Variants in LOC128462377 observed in about 807,000 individuals in gnomAD.
the LOC128462377 span, among the ~76,000 whole-genome samples, chr16:89,340,733 G>A: frequency 6.6e-6 from 1 of 152,310 alleles, no homozygotes; most frequent in East Asian, 1.9e-4. Context: ...GCTAACAGGA[G>A]GCTGTTCATT....
the LOC128462377 span, among the ~76,000 whole-genome samples, chr16:89,355,900 C>A: frequency 6.6e-6 from 1 of 152,260 alleles, no homozygotes; most frequent in South Asian, 2.1e-4. Flanking sequence ...GGTGCTCCCC[C>A]CAGCACAGCT....
chr16:89,356,747 C>T, the LOC128462377 span, among the ~76,000 whole-genome samples: 1 of 142,488 alleles, frequency 7.0e-6, no homozygotes, highest in Non-Finnish European at 1.5e-5. Flanking sequence ...CACCACTGCA[C>T]TCTAGCCTGG....
the LOC128462377 span, among the ~76,000 whole-genome samples, chr16:89,364,043 C>T: frequency 1.3e-5 from 2 of 151,466 alleles, no homozygotes; most frequent in African/African-American, 4.9e-5. Flanking sequence ...CCTGCCCAGC[C>T]GACCAAGTGA....
chr16:89,338,087 AG>A, the LOC128462377 span, among the ~76,000 whole-genome samples: 7 of 152,138 alleles, frequency 4.6e-5, no homozygotes, highest in African/African-American at 1.7e-4. Context: ...CAGGAGCCCC[AG>A]GGGCCCCCAC....
the LOC128462377 span, among the ~76,000 whole-genome samples, chr16:89,401,191 T>A: frequency 2.0e-5 from 3 of 147,362 alleles, no homozygotes; most frequent in African/African-American, 7.5e-5. Context: ...CCTCCCAAGT[T>A]CAAGCAATTC....
the LOC128462377 span, among the ~76,000 whole-genome samples, chr16:89,398,131 A>G: frequency 1.1e-3 from 173 of 151,050 alleles, no homozygotes; most frequent in African/African-American, 4.0e-3. Context: ...CAAGAGGGAC[A>G]CTGTGAAACA....
chr16:89,381,720 G>A, the LOC128462377 span, among the ~76,000 whole-genome samples: 1 of 152,124 alleles, frequency 6.6e-6, no homozygotes, highest in Non-Finnish European at 1.5e-5. Context: ...CTCACATTCA[G>A]ACTGGAGAAT....
chr16:89,386,297 T>G, the LOC128462377 span, among the ~76,000 whole-genome samples: 12 of 152,158 alleles, frequency 7.9e-5, no homozygotes, highest in Admixed American at 7.9e-4. Flanking sequence ...AAAGCTTGAT[T>G]ATTAAGACAG....
the LOC128462377 span, among the ~76,000 whole-genome samples, chr16:89,385,544 C>A: frequency 6.6e-6 from 1 of 152,276 alleles, no homozygotes; most frequent in East Asian, 1.9e-4. Context: ...GTCAGAGCCT[C>A]AAGCTGCTCC....
At chr16:89,383,288 G>A in the LOC128462377 span, among the ~76,000 whole-genome samples, 1 of 152,216 alleles carries the variant, frequency 6.6e-6, no homozygotes, top group South Asian at 2.1e-4. Flanking sequence ...CTGCCATTAG[G>A]ATTTCCAGGG....
the LOC128462377 span, among the ~76,000 whole-genome samples, chr16:89,341,880 G>A: frequency 7.0e-5 from 10 of 142,626 alleles, no homozygotes; most frequent in Non-Finnish European, 1.1e-4. Context: ...CACGGCCCAC[G>A]GCAGGAGTGC....
chr16:89,327,095 T>C, the LOC128462377 span, among the ~76,000 whole-genome samples: 1 of 138,816 alleles, frequency 7.2e-6, no homozygotes, highest in African/African-American at 2.7e-5. Flanking sequence ...AATGCAGAGG[T>C]GGGGAATGCA....
the LOC128462377 span, among the ~76,000 whole-genome samples, chr16:89,329,641 T>G: frequency 6.6e-6 from 1 of 152,116 alleles, no homozygotes; most frequent in African/African-American, 2.4e-5. Context: ...AAAAACAGTA[T>G]GAGGTAGGAG....
chr16:89,414,948 T>C, the LOC128462377 span, among the ~76,000 whole-genome samples: 6 of 152,158 alleles, frequency 3.9e-5, no homozygotes, highest in Admixed American at 2.0e-4. Context: ...GTAACATTCT[T>C]ATTCTTCTTT....
chr16:89,396,738 G>A, the LOC128462377 span, among the ~76,000 whole-genome samples: 10 of 152,210 alleles, frequency 6.6e-5, no homozygotes, highest in Non-Finnish European at 1.2e-4. Flanking sequence ...CCAGGCTGGA[G>A]TGCAATGGCG....
At chr16:89,383,601 C>T in the LOC128462377 span, among the ~76,000 whole-genome samples, 1 of 152,288 alleles carries the variant, frequency 6.6e-6, no homozygotes, top group South Asian at 2.1e-4. Context: ...GAAGAGCCTC[C>T]CATGGTGTCA....
chr16:89,339,593 AG>A, the LOC128462377 span, among the ~76,000 whole-genome samples: 1 of 152,260 alleles, frequency 6.6e-6, no homozygotes, highest in African/African-American at 2.4e-5. Flanking sequence ...ATTTCTACAC[AG>A]AAAATATTTT....
At chr16:89,366,129 CAAAAAAAAAA>C in the LOC128462377 span, among the ~76,000 whole-genome samples, 5 of 60,456 alleles carry the variant, frequency 8.3e-5, no homozygotes, top group African/African-American at 3.1e-4. Context: ...GACTCCATCT[CAAAAAAAAAA>C]AAAAAAAAAA....
At chr16:89,382,309 C>T in the LOC128462377 span, among the ~76,000 whole-genome samples, 13 of 147,862 alleles carry the variant, frequency 8.8e-5, no homozygotes, top group Non-Finnish European at 1.7e-4. Flanking sequence ...GCCAGGCACC[C>T]GAAGTCTAGA....
Sources: gnomAD v4.1 joint callset for allele counts (sites outside exome capture counted in the v4.1 genomes callset) on GRCh38, gnomAD v4.1.1 for gene constraint, MANE v1.5 for transcripts.